GRIA3: variants seen among roughly 807,000 people sequenced by gnomAD.
The protein encoded by GRIA3 is glutamate ionotropic receptor AMPA type subunit 3.
GRIA3 carries 3 observed loss-of-function variants against 63.0 expected under a neutral mutation model. The ratio of observed to expected loss-of-function variants is 0.05; its 90% CI spans 0.02 to 0.12. GRIA3 has a LOEUF of 0.12. GRIA3 is among the 10% of genes least tolerant of loss of function. The probability of loss-of-function intolerance (pLI) is 1.00; values close to 1 mark genes in which losing one functional copy is unlikely to be tolerated. For synonymous variants in GRIA3, 274 were observed against 257.9 expected, an observed-to-expected ratio of 1.06 and a Z score of -0.60; for missense variants, 347 against 700.9, an observed-to-expected ratio of 0.50 and a Z score of 5.70.
intron 12 of GRIA3, among the ~76,000 whole-genome samples, chrX:123,452,362 C>A (rs35999591): frequency 0.17 from 17,058 of 101,046 alleles, 1,431 homozygotes; most frequent in African/African-American, 0.31. Flanking sequence ...ACTCCCCCCC[C>A]AAAAAAAAAA....
chrX:123,301,482 G>A (rs1027040702), intron 3 of GRIA3, among the ~76,000 whole-genome samples: 1 of 111,407 alleles, frequency 9.0e-6, no homozygotes, highest in African/African-American at 3.3e-5. Flanking sequence ...ATAGAATGGA[G>A]ATAATAGCAG....
chrX:123,341,022 C>T lies in GRIA3; in HGVS notation c.697-13888C>T, dbSNP rs144165914. 3.4e-3 allele frequency among the ~76,000 whole-genome samples: 385 copies of T among 112,168 alleles called. 2 individuals are homozygous for T. The highest frequency in any genetic ancestry group is 0.012 in the African/African-American group (359 of 30,908). ...AATGCAATTCTGGGAAATACAACTCCATTATTTGCTTGGCTCATCTAACAA... is the reference window on the plus strand; with the variant it reads ...AATGCAATTCTGGGAAATACAACTCTATTATTTGCTTGGCTCATCTAACAA... On this transcript the variant is annotated intron_variant, in intron 4 of 15. Coordinates refer to ENST00000620443, the MANE Select transcript of GRIA3 (RefSeq NM_007325.5).
intron 2 of GRIA3, among the ~76,000 whole-genome samples, chrX:123,234,281 T>TCTATGAATC (rs2044291182): frequency 9.0e-6 from 1 of 111,493 alleles, no homozygotes; most frequent in South Asian, 3.8e-4. Context: ...TCCATCATTA[T>TCTATGAATC]CTATGAATCC....
At chrX:123,239,154 C>A (rs778760201) in intron 2 of GRIA3, among the ~76,000 whole-genome samples, 16 of 110,205 alleles carry the variant, frequency 1.5e-4, no homozygotes, top group Admixed American at 1.2e-3. Flanking sequence ...CAACTTTATC[C>A]CTCCCCTTTG....
intron 3 of GRIA3, among the ~76,000 whole-genome samples, chrX:123,268,333 A>T (rs1446327689): frequency 9.0e-6 from 1 of 110,843 alleles, no homozygotes; most frequent in Non-Finnish European, 1.9e-5. Context: ...AGCTCTTGGC[A>T]CAAATGTATT....
At chrX:123,334,119 G>A (rs1445155063) in intron 4 of GRIA3, among the ~76,000 whole-genome samples, 1 of 111,541 alleles carries the variant, frequency 9.0e-6, no homozygotes, top group Admixed American at 9.6e-5. Context: ...CAAAACCTAT[G>A]GTTGGATTTC....
chrX:123,316,556 A>G (rs1336235999), intron 3 of GRIA3, among the ~76,000 whole-genome samples: 2 of 112,341 alleles, frequency 1.8e-5, no homozygotes, highest in Non-Finnish European at 3.8e-5. Flanking sequence ...TATGAAAATA[A>G]TTAGAGATGC....
chrX:123,356,160 G>C (rs964269076), intron 5 of GRIA3, among the ~76,000 whole-genome samples: 1 of 111,971 alleles, frequency 8.9e-6, no homozygotes, highest in Non-Finnish European at 1.9e-5. Context: ...ACTGTGGCTT[G>C]TCAGGATATA....
At chrX:123,386,402 C>T (rs1052069158) in intron 5 of GRIA3, among the ~76,000 whole-genome samples, 2 of 111,758 alleles carry the variant, frequency 1.8e-5, no homozygotes, top group African/African-American at 3.2e-5. Flanking sequence ...TGCCATTCAA[C>T]AGGTTGTCTC....
In GRIA3 at chrX:123,422,697, A is replaced by T. The variant is rs752343797; in HGVS notation, c.1877+4919A>T. 4.4e-5 allele frequency among the ~76,000 whole-genome samples: 5 copies of T among 112,629 alleles called. No individual in the cohort carries two copies. In the South Asian group the frequency reaches 1.8e-3, roughly 42 times the overall value. Reference sequence around the variant, plus strand: ...TGAAATAAAAAGCACAGTGCCTAGCATGTAAGTTCTCAATAAATAATAGCT... The same window carrying T: ...TGAAATAAAAAGCACAGTGCCTAGCTTGTAAGTTCTCAATAAATAATAGCT... On this transcript the variant is annotated intron_variant, in intron 11 of 15. Transcript: ENST00000620443.
At chrX:123,198,981 G>A (rs1275139406) in intron 2 of GRIA3, among the ~76,000 whole-genome samples, 1 of 111,898 alleles carries the variant, frequency 8.9e-6, no homozygotes, top group Non-Finnish European at 1.9e-5. Flanking sequence ...GGCTCTCCCA[G>A]CCATGAGTTT....
chrX:123,186,536 G>C (rs1927282630), intron 2 of GRIA3, among the ~76,000 whole-genome samples: 2 of 111,621 alleles, frequency 1.8e-5, no homozygotes, highest in Admixed American at 1.9e-4. Flanking sequence ...GGGCAGAACA[G>C]GCTGGGTTCC....
intron 5 of GRIA3, among the ~76,000 whole-genome samples, chrX:123,359,775 G>C (rs1257857235): frequency 8.9e-6 from 1 of 111,803 alleles, no homozygotes; most frequent in Non-Finnish European, 1.9e-5. Context: ...AAGTGCCCAG[G>C]GGAGAACATG....
intron 2 of GRIA3, among the ~76,000 whole-genome samples, chrX:123,200,604 TACATAC>T (rs1927706226): frequency 1.5e-5 from 1 of 68,357 alleles, no homozygotes; most frequent in African/African-American, 5.6e-5. Context: ...CACACACACA[TACATAC>T]ACACACACAC....
chrX:123,465,938 G>T (rs1488208376), intron 13 of GRIA3: 4 of 522,691 alleles, frequency 7.7e-6, no homozygotes, highest in Non-Finnish European at 6.8e-6. Context: ...GAACCAAAAA[G>T]ACTTTAGGGC....
chrX:123,302,154 C>T (rs777939142), intron 3 of GRIA3, among the ~76,000 whole-genome samples: 1 of 111,864 alleles, frequency 8.9e-6, no homozygotes, highest in African/African-American at 3.2e-5. Context: ...AGCCTGGAAT[C>T]GGATCTTAGA....
intron 12 of GRIA3, among the ~76,000 whole-genome samples, chrX:123,438,315 C>T (rs537476979): frequency 1.8e-5 from 2 of 112,093 alleles, no homozygotes; most frequent in South Asian, 3.7e-4. Flanking sequence ...AGCTTCATTC[C>T]TTTTTAAAGG....
intron 12 of GRIA3, among the ~76,000 whole-genome samples, chrX:123,440,533 T>C (rs1440975326): frequency 8.9e-6 from 1 of 112,779 alleles, no homozygotes. Flanking sequence ...TGATTTGCAT[T>C]TCTCTAATTA....
intron 5 of GRIA3, among the ~76,000 whole-genome samples, chrX:123,392,320 C>G (rs1471637484): frequency 9.0e-6 from 1 of 111,502 alleles, no homozygotes; most frequent in Admixed American, 9.4e-5. Context: ...GCCCTGCATT[C>G]AAGGTATTCA....
Sources: gnomAD v4.1 joint callset for allele counts (sites outside exome capture counted in the v4.1 genomes callset) on GRCh38, gnomAD v4.1.1 for gene constraint, MANE v1.5 for transcripts, NCBI Gene and HGNC (gene_info 2026-07-23, HGNC 2026-07-21) for gene names.